LUZP2: variants seen among roughly 807,000 people sequenced by gnomAD.
LUZP2 encodes leucine zipper protein 2.
Under a neutral mutation model 51.6 loss-of-function variants are expected in LUZP2, and 52 were observed. The ratio of observed to expected loss-of-function variants is 1.01; its 90% confidence interval spans 0.81 to 1.27. The LOEUF is 1.27. Ranked by LOEUF, LUZP2 falls within the 50% of genes most tolerant of loss-of-function variation. The pLI is 0.00. For missense variants in LUZP2, 436 were observed against 395.4 expected (o/e 1.10, Z -0.87); for synonymous variants, 154 against 137.3 (o/e 1.12, Z -0.85).
chr11:25,048,508 A>C (rs1300776568), intron 9 of LUZP2, among the ~76,000 whole-genome samples: 1 of 152,226 alleles, frequency 6.6e-6, no homozygotes, highest in Non-Finnish European at 1.5e-5. Flanking sequence ...TACCTTTGTC[A>C]TCTTTGTATT....
At chr11:24,995,210 C>G (rs928575004) in intron 9 of LUZP2, among the ~76,000 whole-genome samples, 1 of 152,096 alleles carries the variant, frequency 6.6e-6, no homozygotes, top group East Asian at 1.9e-4. Flanking sequence ...CTGGGCAACA[C>G]GGCTCAATCC....
chr11:24,605,986 T>G (rs549321452), intron 1 of LUZP2, among the ~76,000 whole-genome samples: 1 of 151,886 alleles, frequency 6.6e-6, no homozygotes, highest in Non-Finnish European at 1.5e-5. Flanking sequence ...TTATCCCACT[T>G]AGCATAATGT....
intron 5 of LUZP2, chr11:24,892,010 G>A: frequency 2.0e-6 from 2 of 985,596 alleles, no homozygotes; most frequent in Non-Finnish European, 2.4e-6. Context: ...GGTAGTGCAG[G>A]CTGGCTCTTG....
intron 5 of LUZP2, among the ~76,000 whole-genome samples, chr11:24,869,453 T>TATC (rs1249943749): frequency 1.8e-5 from 2 of 111,716 alleles, no homozygotes; most frequent in African/African-American, 3.5e-5. Context: ...TTTCCATCAT[T>TATC]ATTATTATTA....
intron 10 of LUZP2, among the ~76,000 whole-genome samples, chr11:25,062,771 C>T (rs6484102): frequency 0.9 from 135,605 of 150,992 alleles, 61,965 homozygotes; most frequent in Non-Finnish European, 0.97. Context: ...TGTATTAGTG[C>T]AATATTATCT....
chr11:24,509,337 C>G (rs1850233809), intron 1 of LUZP2, among the ~76,000 whole-genome samples: 1 of 151,804 alleles, frequency 6.6e-6, no homozygotes, highest in African/African-American at 2.4e-5. Context: ...AAGTATAGTA[C>G]AGTCATAACT....
At chr11:24,785,989 ATT>A (rs1199125429) in intron 5 of LUZP2, 1 of 985,196 alleles carries the variant, frequency 1.0e-6, no homozygotes, top group Non-Finnish European at 1.2e-6. Context: ...CAAGCTTCAC[ATT>A]TGACCCTTCA....
rs554402322 is a variant in LUZP2 at position 24,793,455 on chromosome 11, T to A, written c.396+30147T>A. 7.9e-5 allele frequency among the ~76,000 whole-genome samples: 12 copies of A among 152,294 alleles called. No individual in the cohort carries two copies. The South Asian group carries it at 2.5e-3, about 32-fold the overall frequency. On this transcript the variant is annotated intron_variant, in intron 5 of 11. Transcript: ENST00000336930. ...GGATGTACTCTGCTCACAGATGGGT[T>A]TGCAGTGAAAAGACTTTTATGGATC...
rs901533303 is a variant in LUZP2, at chr11:24,553,146, A to G, written c.62+55841A>G. ...ATTTAGACAGTATATCTGTATATATAATTATATGTATATATGTGTATATAT... is the reference window on the plus strand; with the variant it reads ...ATTTAGACAGTATATCTGTATATATGATTATATGTATATATGTGTATATAT... On this transcript the variant is annotated intron_variant, in intron 1 of 11. Transcript: ENST00000336930. Among the ~76,000 whole-genome samples, 3 of 151,672 alleles carry G rather than the reference A, an allele frequency of 2.0e-5. No homozygotes were observed. In the South Asian group the frequency reaches 6.2e-4, roughly 31 times the overall value.
chr11:24,697,494 C>T (rs1390545935), intron 1 of LUZP2, among the ~76,000 whole-genome samples: 1 of 152,196 alleles, frequency 6.6e-6, no homozygotes, highest in East Asian at 1.9e-4. Context: ...TTGCCTCTAA[C>T]CTCACAAGCT....
At chr11:25,058,737 C>T (rs930365236) in intron 10 of LUZP2, among the ~76,000 whole-genome samples, 3 of 152,196 alleles carry the variant, frequency 2.0e-5, no homozygotes, top group African/African-American at 7.2e-5. Context: ...CAGAACTTTC[C>T]TCCCTTCCCC....
At position 24,760,697 on chromosome 11, in the gene LUZP2, T is replaced by G. The variant is rs554726707; in HGVS notation, c.334-2549T>G. Among the ~76,000 whole-genome samples the G allele has an allele frequency of 3.3e-5, 5 of 152,280 alleles. No homozygotes were observed. In the South Asian group the frequency reaches 1.0e-3, roughly 32 times the overall value. On this transcript the variant is annotated intron_variant, in intron 4 of 11. Coordinates refer to ENST00000336930, the MANE Select transcript of LUZP2 (RefSeq NM_001009909.4). ...GTGTTAACAGGTGTTGTAAAACTTC[T>G]GATGGATTTTATGGAAAGCCAAGCC...
intron 7 of LUZP2, among the ~76,000 whole-genome samples, chr11:24,936,876 C>G (rs967064770): frequency 6.6e-6 from 1 of 152,104 alleles, no homozygotes; most frequent in Non-Finnish European, 1.5e-5. Flanking sequence ...TCATAACTAG[C>G]GTATCTTCCC....
At chr11:24,954,398 G>C (rs2133868064) in intron 7 of LUZP2, among the ~76,000 whole-genome samples, 1 of 152,020 alleles carries the variant, frequency 6.6e-6, no homozygotes, top group South Asian at 2.1e-4. Flanking sequence ...AAATTGTTTG[G>C]CTGTAATTTA....
chr11:25,047,349 T>G lies in LUZP2; in HGVS notation c.766-2689T>G, dbSNP rs1241694220. ...TGTTTTTATTTTTTTTATTTTTTTT[T>G]TTTTTACTTTTTAATTTTCTTTTTT... is the stretch of plus-strand genomic sequence containing the variant. On this transcript the variant is annotated intron_variant, in intron 9 of 11. Transcript: ENST00000336930. 2.6e-4 allele frequency among the ~76,000 whole-genome samples: 29 copies of G among 111,658 alleles called. No homozygotes were observed. In the South Asian group the frequency reaches 3.6e-3, roughly 14 times the overall value. The allele number at this position is 111,658 out of a possible 152,430, so 73.3% of individuals were successfully genotyped here. A position where few individuals can be genotyped will look rare whatever the true frequency, so the allele number is the denominator to read the frequency against.
At chr11:24,506,412 A>G (rs7927293) in intron 1 of LUZP2, among the ~76,000 whole-genome samples, 52,822 of 151,920 alleles carry the variant, frequency 0.35, 9,328 homozygotes, top group East Asian at 0.46. Context: ...CATCTTAGGA[A>G]GACACAGATA....
intron 9 of LUZP2, among the ~76,000 whole-genome samples, chr11:25,030,576 C>G (rs1004878801): frequency 2.6e-5 from 4 of 151,604 alleles, no homozygotes; most frequent in Non-Finnish European, 4.4e-5. Context: ...ATTCCATGTA[C>G]TCACCAATAC....
At chr11:24,586,359 T>C (rs1351457575) in intron 1 of LUZP2, among the ~76,000 whole-genome samples, 1 of 152,120 alleles carries the variant, frequency 6.6e-6, no homozygotes, top group African/African-American at 2.4e-5. Flanking sequence ...TTTAGAGTTG[T>C]ATTTTTTATT....
At chr11:24,838,507 T>C (rs1421850703) in intron 5 of LUZP2, among the ~76,000 whole-genome samples, 2 of 151,704 alleles carry the variant, frequency 1.3e-5, no homozygotes, top group African/African-American at 4.8e-5. Context: ...CGATTATTAA[T>C]GTTTTTCTTG....
Sources: allele counts gnomAD v4.1 joint callset (sites outside exome capture counted in the v4.1 genomes callset), GRCh38; gene constraint gnomAD v4.1.1; transcripts MANE v1.5; gene names NCBI Gene and HGNC (gene_info 2026-07-23, HGNC 2026-07-21).